Variants in FOCAD observed in about 807,000 individuals in gnomAD.
FOCAD encodes focadhesin.
In FOCAD, 198 loss-of-function variants were observed where a neutral mutation model predicts 225.6. The ratio of observed to expected loss-of-function variants is 0.88; its 90% CI spans 0.78 to 0.99. The LOEUF (loss-of-function observed/expected upper bound fraction) is 0.99. Ranked by LOEUF, FOCAD falls within the 50% of genes least tolerant of loss-of-function variation. The pLI, the probability that FOCAD is intolerant of heterozygous loss-of-function variation, is 0.00. For synonymous variants in FOCAD, 897 were observed against 755.0 expected, an observed-to-expected ratio of 1.19 and a Z score of -3.08; for missense variants, 2,713 against 2,123.6, an observed-to-expected ratio of 1.28 and a Z score of -5.46.
intron 11 of FOCAD, among the ~76,000 whole-genome samples, chr9:20,797,870 C>T (rs1359419984): frequency 6.6e-6 from 1 of 152,162 alleles, no homozygotes; most frequent in Non-Finnish European, 1.5e-5. Context: ...CTGGCCAGAA[C>T]TTCCAACACT....
chr9:20,807,745 A>T (rs1459989102), intron 11 of FOCAD, among the ~76,000 whole-genome samples: 1 of 152,160 alleles, frequency 6.6e-6, no homozygotes, highest in Non-Finnish European at 1.5e-5. Context: ...ATAAATGTAA[A>T]TATGTATTTA....
intron 4 of FOCAD, among the ~76,000 whole-genome samples, chr9:20,739,884 G>T (rs918375820): frequency 6.6e-6 from 1 of 152,056 alleles, no homozygotes; most frequent in African/African-American, 2.4e-5. Context: ...ATTTTTCATA[G>T]TCTGCTAATA....
intron 15 of FOCAD, among the ~76,000 whole-genome samples, chr9:20,828,584 T>C (rs1160746673): frequency 6.6e-6 from 1 of 152,124 alleles, no homozygotes; most frequent in South Asian, 2.1e-4. Context: ...CTGCACATCC[T>C]CACCAACACT....
At chr9:20,988,097 T>C (rs1017248300) in intron 40 of FOCAD, among the ~76,000 whole-genome samples, 8 of 152,216 alleles carry the variant, frequency 5.3e-5, no homozygotes, top group Non-Finnish European at 1.0e-4. Context: ...CAGGGAGATT[T>C]AAAGAATAAA....
chr9:20,863,316 A>G (rs1225396746), intron 16 of FOCAD: 1 of 151,008 alleles, frequency 6.6e-6, no homozygotes, highest in Admixed American at 6.6e-5. Flanking sequence ...GTTGATTTTC[A>G]CTTGCAGTCT....
chr9:20,784,400 TAGTC>T (rs1416624314), intron 10 of FOCAD, among the ~76,000 whole-genome samples: 1 of 152,106 alleles, frequency 6.6e-6, no homozygotes, highest in Admixed American at 6.5e-5. Flanking sequence ...TAGGATCACA[TAGTC>T]AGGCAAAGAA....
At chr9:20,950,807 C>T (rs747459122) in intron 33 of FOCAD, among the ~76,000 whole-genome samples, 189 bp from the exon 34 acceptor site, 21 of 152,164 alleles carry the variant, frequency 1.4e-4, no homozygotes, top group Non-Finnish European at 2.2e-4. Context: ...ATTCAGCAGA[C>T]AGTTGTTGAG....
intron 28 of FOCAD, among the ~76,000 whole-genome samples, chr9:20,943,896 A>G (rs1011880223): frequency 2.0e-5 from 3 of 152,204 alleles, no homozygotes; most frequent in Admixed American, 6.5e-5. Flanking sequence ...TGAGAGAACA[A>G]TTATTTTCTT....
intron 4 of FOCAD, among the ~76,000 whole-genome samples, chr9:20,733,354 CT>C (rs557832238): frequency 6.6e-6 from 1 of 151,870 alleles, no homozygotes; most frequent in Non-Finnish European, 1.5e-5. Context: ...TTTAATTTTT[CT>C]TTTTTTTATT....
At chr9:20,850,614 G>A (rs1261987490) in intron 15 of FOCAD, among the ~76,000 whole-genome samples, 1 of 151,514 alleles carries the variant, frequency 6.6e-6, no homozygotes, top group Non-Finnish European at 1.5e-5. Context: ...AACTTTTTAG[G>A]AGTTGCATGA....
At chr9:20,719,423 C>T (rs1169540332) in intron 3 of FOCAD, among the ~76,000 whole-genome samples, 6 of 151,800 alleles carry the variant, frequency 4.0e-5, no homozygotes, top group Non-Finnish European at 7.4e-5. Flanking sequence ...CTTTGGGAGC[C>T]GGGATATTAA....
At chr9:20,863,820 T>TA (rs1382369253) in intron 16 of FOCAD, among the ~76,000 whole-genome samples, 2 of 152,154 alleles carry the variant, frequency 1.3e-5, no homozygotes, top group Non-Finnish European at 2.9e-5. Flanking sequence ...GCTAAAATCA[T>TA]ATATCTTTTG....
Position 20,744,225 on chromosome 9 carries a change from T to C in FOCAD, c.392+3885T>C, listed in dbSNP as rs139939100. 3.9e-5 allele frequency among the ~76,000 whole-genome samples: 6 copies of C among 152,316 alleles called. No homozygotes were observed. The South Asian group carries it at 8.3e-4, about 21-fold the overall frequency. On this transcript the variant is annotated intron_variant, in intron 5 of 43. Transcript: ENST00000338382. ...CTCTTAGAAACTGACACTTGTTTAC[T>C]GTGCATAAGGAGCTCATCTTTGGAG... is the stretch of plus-strand genomic sequence containing the variant.
intron 15 of FOCAD, among the ~76,000 whole-genome samples, chr9:20,847,238 T>C (rs1327655481): frequency 1.8e-5 from 2 of 112,238 alleles, no homozygotes; most frequent in Non-Finnish European, 4.0e-5. Context: ...CATCTCTCTT[T>C]ACCCGAGCCC....
At chr9:20,797,170 G>A (rs966304376) in intron 11 of FOCAD, among the ~76,000 whole-genome samples, 1 of 152,068 alleles carries the variant, frequency 6.6e-6, no homozygotes, top group South Asian at 2.1e-4. Context: ...TGTTCCATTG[G>A]TCTGTATCTC....
At chr9:20,864,960 A>G (rs190473678) in intron 16 of FOCAD, among the ~76,000 whole-genome samples, 5 of 152,240 alleles carry the variant, frequency 3.3e-5, no homozygotes, top group Admixed American at 3.3e-4. Flanking sequence ...ATTTATGAGT[A>G]TCTGCTATGT....
intron 15 of FOCAD, among the ~76,000 whole-genome samples, chr9:20,851,409 G>C (rs1011213013): frequency 6.6e-6 from 1 of 151,720 alleles, no homozygotes; most frequent in African/African-American, 2.4e-5. Context: ...AGTGCGGAAG[G>C]TTAAACTTTG....
In FOCAD at chr9:20,926,350, A is replaced by G. The variant is rs1274759528; in HGVS notation, c.3011A>G (p.Asp1004Gly). ...SMKEWVSMVL[D>G]TLLVIVDSHY... ...AAAGAGTGGGTTTCCATGGTACTTG[A>G]TACACTCTTGGTCATTGTGGATAGC... is the stretch of plus-strand genomic sequence containing the variant. The change falls in exon 26 of 44, where the codon GAT (aspartate) becomes GGT (glycine). Residue 1004 changes from aspartate to glycine, a missense_variant. Physicochemically the swap from Asp to Gly is moderately conservative, Grantham distance 94. Coordinates refer to ENST00000338382, the MANE Select transcript of FOCAD (RefSeq NM_001375567.1). The G allele has an allele frequency of 1.2e-6, 2 of 1,613,722 alleles. No homozygotes were observed. Among genetic ancestry groups the G allele is most frequent in the Admixed American group, 1.7e-5 (1 of 60,004 alleles).
At chr9:20,888,116 C>T (rs1587511650) in intron 21 of FOCAD, among the ~76,000 whole-genome samples, 6 of 123,826 alleles carry the variant, frequency 4.8e-5, no homozygotes, top group African/African-American at 9.1e-5. Context: ...CATGTCTTTT[C>T]ATTTTCTTTT....
Sources: gnomAD v4.1 joint callset for allele counts (sites outside exome capture counted in the v4.1 genomes callset) on GRCh38, gnomAD v4.1.1 for gene constraint, MANE v1.5 for transcripts, NCBI Gene and HGNC (gene_info 2026-07-23, HGNC 2026-07-21) for gene names.